MAPRE2: variants seen among roughly 807,000 people sequenced by gnomAD.
MAPRE2 encodes the protein microtubule associated protein RP/EB family member 2.
MAPRE2 carries 13 observed loss-of-function variants against 43.2 expected under a neutral mutation model. The observed-to-expected ratio is 0.30, with a 90% CI of 0.20 to 0.48. MAPRE2 has a LOEUF of 0.48. Ranked by LOEUF, MAPRE2 falls within the 20% of genes least tolerant of loss-of-function variation. The pLI is 0.99. For missense variants in MAPRE2, 161 were observed against 400.2 expected, an observed-to-expected ratio of 0.40 and a Z score of 5.10; for synonymous variants, 135 against 148.8, an observed-to-expected ratio of 0.91 and a Z score of 0.68.
intron 3 of MAPRE2, among the ~76,000 whole-genome samples, chr18:35,100,642 A>G (rs1370499184): frequency 6.6e-6 from 1 of 152,232 alleles, no homozygotes; most frequent in Non-Finnish European, 1.5e-5. Context: ...CATAAAAAGT[A>G]TCTATTTTAT....
intron 6 of MAPRE2, among the ~76,000 whole-genome samples, chr18:35,136,840 G>A (rs1206749572): frequency 1.3e-5 from 2 of 152,106 alleles, no homozygotes; most frequent in Non-Finnish European, 2.9e-5. Flanking sequence ...TGATTATAAG[G>A]AAACTAAAGA....
intron 1 of MAPRE2, among the ~76,000 whole-genome samples, chr18:35,059,776 A>C (rs570759329): frequency 2.7e-4 from 41 of 152,306 alleles, no homozygotes; most frequent in African/African-American, 9.4e-4. Flanking sequence ...AAGTGCTGGA[A>C]CAAGCTGCTC....
intron 1 of MAPRE2, among the ~76,000 whole-genome samples, chr18:34,989,036 C>G (rs566093317): frequency 1.3e-5 from 2 of 152,144 alleles, no homozygotes; most frequent in South Asian, 4.2e-4. Context: ...TAAAACATCC[C>G]AGGGCAGAAT....
intron 2 of MAPRE2, among the ~76,000 whole-genome samples, chr18:35,030,955 T>G (rs1430980515): frequency 6.6e-6 from 1 of 152,214 alleles, no homozygotes; most frequent in African/African-American, 2.4e-5. Context: ...TCTTCTGATA[T>G]CACAGGTCTA....
chr18:35,013,593 G>A (rs1008964258), intron 2 of MAPRE2, among the ~76,000 whole-genome samples: 4 of 151,950 alleles, frequency 2.6e-5, no homozygotes, highest in African/African-American at 4.8e-5. Context: ...ACCTACAATG[G>A]TATAGAACAC....
intron 1 of MAPRE2, among the ~76,000 whole-genome samples, chr18:34,995,100 G>C (rs1603387830): frequency 6.6e-6 from 1 of 152,276 alleles, no homozygotes; most frequent in African/African-American, 2.4e-5. Context: ...GAGGACTCCT[G>C]ATATTCTAGC....
rs192005511 is a variant in MAPRE2 at position 35,126,717 on chromosome 18, T to C, written c.611-231T>C. 1.3e-4 allele frequency among the ~76,000 whole-genome samples: 19 copies of C among 151,946 alleles called. No homozygotes were observed. The East Asian group carries it at 3.5e-3, about 28-fold the overall frequency. ...ACAATGGCATTAACCTCATGTTACTTGAGGAAAAAAAAAACAGCACTCACA... is the reference window on the plus strand; with the variant it reads ...ACAATGGCATTAACCTCATGTTACTCGAGGAAAAAAAAAACAGCACTCACA... On this transcript the variant is annotated intron_variant, in intron 4 of 6. Coordinates refer to ENST00000300249, the MANE Select transcript of MAPRE2 (RefSeq NM_014268.4).
chr18:35,076,840 A>T lies in MAPRE2; in HGVS notation c.250+6518A>T, dbSNP rs377530056. Among the ~76,000 whole-genome samples the T allele has an allele frequency of 9.2e-5, 14 of 152,306 alleles. No homozygotes were observed. The South Asian group carries it at 2.7e-3, about 29-fold the overall frequency. The stretch of plus-strand genomic sequence containing the variant: ...AGGAATGCACCAGATACTTTTAAAT[A>T]CTAAAGCCAAACCTCAGTGATAACT... On this transcript the variant is annotated intron_variant, in intron 2 of 6. Coordinates refer to ENST00000300249, the MANE Select transcript of MAPRE2 (RefSeq NM_014268.4).
chr18:35,074,926 T>C (rs1316179436), intron 2 of MAPRE2, among the ~76,000 whole-genome samples: 1 of 152,182 alleles, frequency 6.6e-6, no homozygotes, highest in African/African-American at 2.4e-5. Flanking sequence ...TTTAATAAAA[T>C]GTCATTTGAA....
At chr18:34,985,110 AT>A (rs2097018881) in intron 1 of MAPRE2, among the ~76,000 whole-genome samples, 1 of 87,428 alleles carries the variant, frequency 1.1e-5, no homozygotes, top group Non-Finnish European at 2.0e-5. Context: ...ATATATAAAT[AT>A]TATATACTAT....
chr18:35,086,907 T>G (rs1459869224), intron 2 of MAPRE2, among the ~76,000 whole-genome samples: 1 of 152,210 alleles, frequency 6.6e-6, no homozygotes, highest in Non-Finnish European at 1.5e-5. Flanking sequence ...GTTTCTTGCG[T>G]AATATATTCC....
chr18:34,996,491 T>C (rs1053887552), intron 1 of MAPRE2, among the ~76,000 whole-genome samples: 1 of 152,156 alleles, frequency 6.6e-6, no homozygotes, highest in South Asian at 2.1e-4. Flanking sequence ...GGCTGTTCTG[T>C]GTCTTGTTCA....
intron 2 of MAPRE2, among the ~76,000 whole-genome samples, chr18:35,074,271 G>A (rs1907238708): frequency 6.6e-6 from 1 of 152,020 alleles, no homozygotes; most frequent in Admixed American, 6.5e-5. Flanking sequence ...TACAGCTTGG[G>A]CAGGGGGGTG....
intron 2 of MAPRE2, among the ~76,000 whole-genome samples, chr18:35,079,157 A>G (rs1304607760): frequency 6.6e-6 from 1 of 152,226 alleles, no homozygotes; most frequent in Non-Finnish European, 1.5e-5. Flanking sequence ...TTTGAATCCC[A>G]AGAATATGGT....
chr18:35,061,909 T>G (rs1906551438), intron 1 of MAPRE2, among the ~76,000 whole-genome samples: 1 of 152,374 alleles, frequency 6.6e-6, no homozygotes, highest in East Asian at 1.9e-4. Context: ...GGTGATATTC[T>G]TTCCTTGGGT....
rs547131235 is a variant in MAPRE2 at position 35,134,430 on chromosome 18, G to A, written c.909+2240G>A. Among the ~76,000 whole-genome samples, 5 of 152,336 alleles carry A rather than the reference G, an allele frequency of 3.3e-5. No homozygotes were observed. In the South Asian group the frequency reaches 8.3e-4, roughly 25 times the overall value. ...CCTTAACCACATCCCTGTGAGGTGAGTAATTACTTATCTACATTTTACAGA... is the reference window on the plus strand; with the variant it reads ...CCTTAACCACATCCCTGTGAGGTGAATAATTACTTATCTACATTTTACAGA... On this transcript the variant is annotated intron_variant, in intron 6 of 6. Transcript: ENST00000300249.
chr18:35,120,508 A>G (rs760874629), intron 4 of MAPRE2, among the ~76,000 whole-genome samples: 1 of 152,224 alleles, frequency 6.6e-6, no homozygotes, highest in Non-Finnish European at 1.5e-5. Context: ...CTCAGAGCAG[A>G]TTACAGAATC....
intron 1 of MAPRE2, among the ~76,000 whole-genome samples, chr18:35,001,672 G>T (rs929907620): frequency 6.6e-6 from 1 of 152,140 alleles, no homozygotes; most frequent in African/African-American, 2.4e-5. Flanking sequence ...ACATTGGATA[G>T]CAGAACATTG....
chr18:35,007,781 G>T (rs2097032504), intron 2 of MAPRE2, among the ~76,000 whole-genome samples: 1 of 151,742 alleles, frequency 6.6e-6, no homozygotes, highest in Middle Eastern at 3.4e-3. Context: ...GTTGACCCTT[G>T]AACAACATGG....
Sources: gnomAD v4.1 joint callset for allele counts (sites outside exome capture counted in the v4.1 genomes callset) on GRCh38, gnomAD v4.1.1 for gene constraint, MANE v1.5 for transcripts, NCBI Gene and HGNC (gene_info 2026-07-23, HGNC 2026-07-21) for gene names.